Variants in TBRG4 observed in about 807,000 individuals in gnomAD.
TBRG4 encodes FAST kinase domain-containing protein 4.
TBRG4 carries 43 observed loss-of-function variants against 65.6 expected under a neutral mutation model. The ratio of observed to expected loss-of-function variants is 0.66; its 90% CI spans 0.51 to 0.85. The LOEUF is 0.85. Ranked by LOEUF, TBRG4 falls within the 40% of genes least tolerant of loss-of-function variation. The pLI is 0.00. For missense variants in TBRG4, 709 were observed against 787.9 expected (o/e 0.90, Z 1.20); for synonymous variants, 366 against 341.4 (o/e 1.07, Z -0.79).
chr7:45,111,296 A>G (rs1451933359), intron 1 of TBRG4: 1 of 163,152 alleles, frequency 6.1e-6, no homozygotes, highest in African/African-American at 2.4e-5. Context: ...AGCCGAGTAA[A>G]CGGAAGCCCA....
At chr7:45,111,460 G>C in intron 1 of TBRG4, 183 bp downstream of exon 1, 1 of 642,990 alleles carries the variant, frequency 1.6e-6, no homozygotes. Flanking sequence ...GCGCGGGCTA[G>C]AGAGGAAGCG....
At chr7:45,110,553 G>A (rs1207191224) in intron 1 of TBRG4, among the ~76,000 whole-genome samples, 1 of 151,498 alleles carries the variant, frequency 6.6e-6, no homozygotes, top group African/African-American at 2.4e-5. Context: ...TGTAGTCCCA[G>A]CTACTAGGGA....
At chr7:45,102,969 C>A in intron 6 of TBRG4, 1 of 343,166 alleles carries the variant, frequency 2.9e-6, no homozygotes, top group South Asian at 3.2e-5. Context: ...TCACACCTGG[C>A]CTGCTGGCCT....
At chr7:45,110,305 C>A (rs1785088648) in intron 1 of TBRG4, among the ~76,000 whole-genome samples, 1 of 152,214 alleles carries the variant, frequency 6.6e-6, no homozygotes, top group African/African-American at 2.4e-5. Flanking sequence ...TACATCTCAT[C>A]CTTCCAAGGC....
At chr7:45,104,388 A>G in intron 4 of TBRG4, 132 bp from the exon 5 acceptor site, 1 of 1,572,120 alleles carries the variant, frequency 6.4e-7, no homozygotes, top group South Asian at 1.1e-5. Context: ...CCTGGGACAC[A>G]GGAACAGGGC....
Position 45,104,176 on chromosome 7 carries a change from C to T in TBRG4, c.988G>A (p.Gly330Ser), listed in dbSNP as rs750388342. The T allele has an allele frequency of 6.2e-7, 1 of 1,614,092 alleles. No individual in the cohort carries two copies. The highest frequency in any genetic ancestry group is 8.5e-7 in the Non-Finnish European group (1 of 1,180,034). ...LLSLMPSLTS[G>S]EVAHCAKSFA... ...GACTTGGCACAGTGGGCCACCTCAC[C>T]AGAAGTCAGGCTGGGCATGAGGGAT... The change falls in exon 5 of 11, where the codon GGT (glycine) becomes AGT (serine). Residue 330 changes from glycine (G) to serine (S), a missense_variant. Gly to Ser is a moderately conservative substitution (Grantham distance 56). Coordinates refer to ENST00000258770, the MANE Select transcript of TBRG4 (RefSeq NM_004749.4).
chr7:45,103,707 C>G (rs945032784), intron 5 of TBRG4: 2 of 541,390 alleles, frequency 3.7e-6, no homozygotes, highest in African/African-American at 3.8e-5. Flanking sequence ...TATTCTCCAA[C>G]CAGTAAACTT....
chr7:45,100,132 GC>G lies in TBRG4; in HGVS notation c.*192del. Reference sequence around the variant, plus strand: ...GCAGAGGGTGACCAAGCCTGGGAAGGCCCCAGGGGTCCAACACCAAAATTAA... The same window carrying G: ...GCAGAGGGTGACCAAGCCTGGGAAGGCCCAGGGGTCCAACACCAAAATTAA... On this transcript the variant is annotated 3_prime_UTR_variant, in exon 11 of 11. Coordinates refer to ENST00000258770, the MANE Select transcript of TBRG4 (RefSeq NM_004749.4). The G allele has an allele frequency of 1.8e-6, 1 of 549,524 alleles. No homozygotes were observed. Among genetic ancestry groups the G allele is most frequent in the Non-Finnish European group, 3.2e-6 (1 of 310,436 alleles). The allele number at this position is 549,524 out of a possible 1,614,324, so 34.0% of individuals were successfully genotyped here.
At chr7:45,108,554 C>G (rs1036304726) in intron 2 of TBRG4, among the ~76,000 whole-genome samples, 1 of 152,258 alleles carries the variant, frequency 6.6e-6, no homozygotes, top group Non-Finnish European at 1.5e-5. Context: ...ACCCAAAGAA[C>G]TGAGAAGAAC....
At chr7:45,105,819 G>C in intron 2 of TBRG4, 55 bp from the exon 3 acceptor site, 1 of 1,548,934 alleles carries the variant, frequency 6.5e-7, no homozygotes, top group South Asian at 1.2e-5. Context: ...TCCTGTGTGT[G>C]AGCTGGAGGC....
Position 45,108,889 on chromosome 7 carries a change from C to T in TBRG4, c.349G>A (p.Asp117Asn), listed in dbSNP as rs763271180. 7 of 1,583,070 alleles carry T rather than the reference C, an allele frequency of 4.4e-6. No individual in the cohort carries two copies. Among genetic ancestry groups the T allele is most frequent in the Middle Eastern group, 1.7e-4 (1 of 5,888 alleles). Residue 117 changes from aspartate to asparagine, a missense_variant, in exon 2 of 11, where the codon GAT (aspartate) becomes AAT (asparagine). Transcript: ENST00000258770. ...GCATCCTGTATGAGCAAGCCTTTAT[C>T]TTCTGGCTTCTCAGACAGCAAGTGA... is the stretch of plus-strand genomic sequence containing the variant. ...LSHLLSEKPE[D>N]KGLLIQDAHF...
chr7:45,110,385 G>C (rs1257721687), intron 1 of TBRG4, among the ~76,000 whole-genome samples: 3 of 152,060 alleles, frequency 2.0e-5, no homozygotes, highest in Non-Finnish European at 4.4e-5. Context: ...CAATTCTATC[G>C]GCCAGGCGCA....
chr7:45,108,291 G>T (rs1027436239), intron 2 of TBRG4, among the ~76,000 whole-genome samples: 3 of 152,222 alleles, frequency 2.0e-5, no homozygotes, highest in Non-Finnish European at 2.9e-5. Context: ...GTCCCTCACA[G>T]TGAGCAGGAA....
At chr7:45,101,676 G>A in intron 8 of TBRG4, 62 bp from the exon 9 acceptor site, 1 of 1,600,214 alleles carries the variant, frequency 6.2e-7, no homozygotes, top group Non-Finnish European at 8.5e-7. Flanking sequence ...CCCCCCACAG[G>A]AAAGATGAAC....
Position 45,100,215 on chromosome 7 carries a change from C to G in TBRG4, c.*110G>C, listed in dbSNP as rs979381976. ...CCTCAGAGTGGCTGGCCACCCTCCC[C>G]ACTCTGGCCAAGGTCCTGCACAGAG... On this transcript the variant is annotated 3_prime_UTR_variant, in exon 11 of 11. Coordinates refer to ENST00000258770, the MANE Select transcript of TBRG4 (RefSeq NM_004749.4). The G allele has an allele frequency of 4.9e-6, 4 of 815,454 alleles. No homozygotes were observed. Among genetic ancestry groups the G allele is most frequent in the Non-Finnish European group, 7.6e-6 (4 of 525,408 alleles). 50.5% of individuals were successfully genotyped at this position (815,454 alleles called of 1,614,324 possible). A position where few individuals can be genotyped will look rare whatever the true frequency, so the allele number is the denominator to read the frequency against.
intron 6 of TBRG4, 133 bp from the exon 7 acceptor site, chr7:45,102,624 G>A (rs1784805088): frequency 2.4e-6 from 3 of 1,270,660 alleles, no homozygotes; most frequent in South Asian, 2.9e-5. Flanking sequence ...TAGGTAACAA[G>A]AGGCAGAACC....
chr7:45,100,939 G>A (rs1784744072), intron 10 of TBRG4, among the ~76,000 whole-genome samples: 1 of 152,272 alleles, frequency 6.6e-6, no homozygotes, highest in South Asian at 2.1e-4. Context: ...TGCACTCAGA[G>A]CCCCAACAGC....
In TBRG4 at chr7:45,104,646, C is replaced by A; in HGVS notation, c.799G>T (p.Ala267Ser). 6.2e-7 allele frequency: 1 copy of A among 1,613,976 alleles called. No individual in the cohort carries two copies. The highest frequency in any genetic ancestry group is 8.5e-7 in the Non-Finnish European group (1 of 1,180,040). ...ELRKVLVMLA[A>S]QSRRSVPLLR... ...AAGGGCACGGACCGCCGGCTCTGAG[C>A]TGCCAGCATCACCAGCACCTTCCGC... The change falls in exon 4 of 11, where the codon GCT becomes TCT. Residue 267 changes from alanine (A) to serine (S), a missense_variant. Physicochemically the swap from Ala to Ser is moderately conservative, Grantham distance 99. Transcript: ENST00000258770.
chr7:45,110,389 A>G (rs1190405927), intron 1 of TBRG4, among the ~76,000 whole-genome samples: 1 of 151,790 alleles, frequency 6.6e-6, no homozygotes, highest in East Asian at 1.9e-4. Flanking sequence ...TCTATCGGCC[A>G]GGCGCAGTGG....
Sources: gnomAD v4.1 joint callset for allele counts (sites outside exome capture counted in the v4.1 genomes callset) on GRCh38, gnomAD v4.1.1 for gene constraint, MANE v1.5 for transcripts, NCBI Gene and HGNC (gene_info 2026-07-23, HGNC 2026-07-21) for gene names.